THBS3: variants seen among roughly 807,000 people sequenced by gnomAD.
The protein encoded by THBS3 is thrombospondin-3.
THBS3 carries 78 observed loss-of-function variants against 118.3 expected under a neutral mutation model. That is an observed-to-expected ratio of 0.66 (90% CI 0.55 to 0.80). The LOEUF (loss-of-function observed/expected upper bound fraction) is 0.80, where lower values mean the gene tolerates loss of function less well. Among genes scored for constraint, THBS3 ranks in the 30% least tolerant of loss-of-function variants. The pLI is 0.00. For missense variants in THBS3, 1,057 were observed against 1,247.4 expected (o/e 0.85, Z 2.30); for synonymous variants, 427 against 475.3 (o/e 0.90, Z 1.32).
rs1557868382 is a variant in THBS3 at position 155,202,066 on chromosome 1, C to A, written c.1099-32G>T. 6.2e-7 allele frequency: 1 copy of A among 1,613,982 alleles called. No homozygotes were observed. The highest frequency in any genetic ancestry group is 1.1e-5 in the South Asian group (1 of 91,086). ...GGGCAGACTTTGGGTGGAACCAGAC[C>A]TATGGTGGGTCTCCTCAGATACAGC... On this transcript the variant is annotated intron_variant, in intron 9 of 22. Coordinates refer to ENST00000368378, the MANE Select transcript of THBS3 (RefSeq NM_007112.5). This position sits in a 1 kb window ranked among gnomAD's most constrained non-coding sequence, Gnocchi z 5.5.
chr1:155,198,330 T>C, intron 17 of THBS3, 79 bp downstream of exon 17: 4 of 1,586,852 alleles, frequency 2.5e-6, no homozygotes, highest in Non-Finnish European at 2.6e-6. Flanking sequence ...TTGCCCTTCC[T>C]CACTTCCCAA....
intron 21 of THBS3, chr1:155,196,357 G>T (rs912219066): frequency 1.8e-6 from 1 of 562,322 alleles, no homozygotes; most frequent in South Asian, 2.3e-5. Flanking sequence ...AGCACCAGCC[G>T]CATTCCAAGC....
chr1:155,196,367 C>A, intron 21 of THBS3: 1 of 553,910 alleles, frequency 1.8e-6, no homozygotes, highest in South Asian at 2.4e-5. Flanking sequence ...GCATTCCAAG[C>A]GAGGATTGGG....
chr1:155,201,290 C>T, intron 11 of THBS3, 86 bp from the exon 12 acceptor site: 3 of 1,591,154 alleles, frequency 1.9e-6, no homozygotes, highest in Non-Finnish European at 2.6e-6. Context: ...CCTATTCTCC[C>T]CACCAAACAG....
Position 155,206,193 on chromosome 1 carries a change from C to T in THBS3, c.286+7G>A. The T allele has an allele frequency of 6.2e-7, 1 of 1,613,526 alleles. No homozygotes were observed. On this transcript the variant is annotated splice_region_variant and intron_variant, in intron 2 of 22. Transcript: ENST00000368378. The surrounding 1 kb of genome is among the most constrained non-coding windows in gnomAD (Gnocchi z 4.2). ...CCATTGCAAGAAAGGAGATGCCCAC[C>T]AGTCACCTTTGTTGATCTTGCCTAC...
At chr1:155,198,917 C>T (rs536011125) in intron 16 of THBS3, among the ~76,000 whole-genome samples, 20 of 151,910 alleles carry the variant, frequency 1.3e-4, no homozygotes, top group African/African-American at 4.6e-4. Flanking sequence ...GTCAGGAGTT[C>T]GAGACCAGCC....
intron 16 of THBS3, 93 bp downstream of exon 16, chr1:155,199,711 T>C: frequency 7.2e-7 from 1 of 1,383,596 alleles, no homozygotes. Flanking sequence ...GCCAAGATCG[T>C]GCCACTGTAC....
At chr1:155,208,689 T>C, upstream of THBS3, 4 of 1,027,780 alleles carry the variant, frequency 3.9e-6, no homozygotes, top group Non-Finnish European at 4.0e-6. Context: ...TCTCTTCCCC[T>C]CCCCCACCCA....
At chr1:155,200,734 A>G in intron 13 of THBS3, 124 bp from the exon 14 acceptor site, 1 of 1,557,564 alleles carries the variant, frequency 6.4e-7, no homozygotes, top group Non-Finnish European at 8.7e-7. Flanking sequence ...TGCTCAGTAC[A>G]GTCCCACCCA....
Position 155,205,222 on chromosome 1 carries a change from CAGG to C in THBS3, c.378_380del (p.Leu127del). 1 of 1,614,134 alleles carries C rather than the reference CAGG, an allele frequency of 6.2e-7. No homozygotes were observed. Among genetic ancestry groups the C allele is most frequent in the Non-Finnish European group, 8.5e-7 (1 of 1,180,026 alleles). On this transcript the variant is annotated inframe_deletion, in exon 3 of 23. Coordinates refer to ENST00000368378, the MANE Select transcript of THBS3 (RefSeq NM_007112.5). ...TGGGTCTGGAGGGACCTCGGAGTCG[CAGG>C]AGAACTGTGTGTGTGCGCCCATCAG...
chr1:155,198,208 C>G lies in THBS3; in HGVS notation c.2087G>C (p.Gly696Ala). 6.2e-7 allele frequency: 1 copy of G among 1,614,172 alleles called. No homozygotes were observed. The highest frequency in any genetic ancestry group is 8.5e-7 in the Non-Finnish European group (1 of 1,180,016). Residue 696 changes from glycine (G) to alanine (A), a missense_variant, in exon 18 of 23, where the codon GGT becomes GCT. By Grantham distance (60) the Gly-to-Ala change is moderately conservative (BLOSUM62 0). This residue lies in a region of THBS3 where 544 missense variants were observed against 715.6 expected (regional missense o/e 0.76). Coordinates refer to ENST00000368378, the MANE Select transcript of THBS3 (RefSeq NM_007112.5). ...NQKDSDGNGVGDVCEDDFDND... is the reference protein window; with the variant it reads ...NQKDSDGNGVADVCEDDFDND... ...GTCAAAGTCATCCTCACACACATCACCAACGCCATTGCCTGGGCAGAGTGA... is the reference window on the plus strand; with the variant it reads ...GTCAAAGTCATCCTCACACACATCAGCAACGCCATTGCCTGGGCAGAGTGA...
chr1:155,201,714 T>C, intron 10 of THBS3, 145 bp from the exon 11 acceptor site: 1 of 1,049,656 alleles, frequency 9.5e-7, no homozygotes, highest in Non-Finnish European at 1.4e-6. Context: ...ATGACAACCT[T>C]TCAGGGTGGA....
chr1:155,199,738 G>A lies in THBS3; in HGVS notation c.1880+66C>T. 3.2e-6 allele frequency: 5 copies of A among 1,576,748 alleles called. No homozygotes were observed. In the South Asian group the frequency reaches 5.6e-5, roughly 18 times the overall value. ...CCACTGTACTCCAGCCTAGGTGACA[G>A]AGCAAGACTCCGTCTCAGAAAGACA... On this transcript the variant is annotated intron_variant, in intron 16 of 22. Coordinates refer to ENST00000368378, the MANE Select transcript of THBS3 (RefSeq NM_007112.5).
chr1:155,199,122 A>G (rs567141784), intron 16 of THBS3, among the ~76,000 whole-genome samples: 70 of 150,466 alleles, frequency 4.7e-4, no homozygotes, highest in Non-Finnish European at 5.3e-4. Context: ...CTCAAAAAAA[A>G]AAAGGAGGCC....
At chr1:155,205,353 C>T (rs1416300108) in intron 2 of THBS3, 37 bp from the exon 3 acceptor site, 12 of 1,595,632 alleles carry the variant, frequency 7.5e-6, no homozygotes, top group South Asian at 5.5e-5. Flanking sequence ...GCGCTATCCC[C>T]CACCCCCTGC....
intron 16 of THBS3, 130 bp downstream of exon 16, chr1:155,199,674 G>A: frequency 1.1e-6 from 1 of 884,350 alleles, no homozygotes; most frequent in Non-Finnish European, 1.8e-6. Flanking sequence ...AGAATCACTT[G>A]ACCCTGGGAG....
upstream of THBS3, chr1:155,207,974 GGAGGGGGGGCCAGCAGGCGGGT>G: frequency 1.2e-5 from 10 of 801,124 alleles, no homozygotes; most frequent in South Asian, 1.4e-4. Context: ...GGACAGAATT[GGAGGGGGGGCCAGCAGGCGGGT>G]GAGGGGGGGC....
intron 17 of THBS3, 68 bp downstream of exon 17, chr1:155,198,341 C>T (rs145340861): frequency 1.3e-6 from 2 of 1,589,586 alleles, no homozygotes. Flanking sequence ...CACTTCCCAA[C>T]AGGGCTTGCT....
At chr1:155,196,965 C>A in intron 21 of THBS3, 76 bp downstream of exon 21, 1 of 1,459,070 alleles carries the variant, frequency 6.9e-7, no homozygotes, top group South Asian at 1.2e-5. Flanking sequence ...ATGGAGAGGT[C>A]ACTGGTGAAT....
Sources: allele counts gnomAD v4.1 joint callset (sites outside exome capture counted in the v4.1 genomes callset), GRCh38; gene constraint gnomAD v4.1.1; regional missense constraint gnomAD v4.1.1; non-coding constraint Gnocchi (gnomAD v3.1); transcripts MANE v1.5; gene names NCBI Gene and HGNC (gene_info 2026-07-23, HGNC 2026-07-21).